The following MAP1B variants were observed in gnomAD, a reference collection of about 807,000 sequenced individuals.
MAP1B encodes the protein microtubule-associated protein 1B.
In MAP1B, 12 loss-of-function variants were observed where a neutral mutation model predicts 176.1. The observed-to-expected ratio is 0.07, with a 90% CI of 0.04 to 0.11. MAP1B has a LOEUF of 0.11. MAP1B is among the 10% of genes least tolerant of loss of function. The probability of loss-of-function intolerance (pLI) is 1.00; values close to 1 mark genes in which losing one functional copy is unlikely to be tolerated. For synonymous variants in MAP1B, 1,044 were observed against 1,135.0 expected (o/e 0.92, Z 1.61); for missense variants, 2,523 against 2,990.5 (o/e 0.84, Z 3.65).
chr5:72,130,263 G>A (rs1019498386), intron 2 of MAP1B, among the ~76,000 whole-genome samples: 2 of 151,694 alleles, frequency 1.3e-5, no homozygotes, highest in Admixed American at 1.3e-4. Context: ...TAATCTTTCC[G>A]AATTCTAACT....
At chr5:72,168,924 C>T (rs1308136066) in intron 2 of MAP1B, among the ~76,000 whole-genome samples, 2 of 152,102 alleles carry the variant, frequency 1.3e-5, no homozygotes, top group Admixed American at 6.5e-5. Context: ...GAACTTAATT[C>T]CTTTGGTTTA....
chr5:72,199,099 C>A lies in MAP1B; in HGVS notation c.5744C>A (p.Ser1915Tyr), dbSNP rs1022637122. ...GAGAAGATAGAGAGAACCACAAAATCTCCAAGTGACAGTGGCTACTCCTAT... is the reference window on the plus strand; with the variant it reads ...GAGAAGATAGAGAGAACCACAAAATATCCAAGTGACAGTGGCTACTCCTAT... ...YYEKIERTTK[S>Y]PSDSGYSYET... The change falls in exon 5 of 7, where the codon TCT (serine) becomes TAT (tyrosine). Residue 1915 changes from serine to tyrosine, a missense_variant. By Grantham distance (144) the Ser-to-Tyr change is moderately radical. This residue lies in a region of MAP1B where 1,925 missense variants were observed against 2,126.0 expected (regional missense o/e 0.91). Transcript: ENST00000296755. The surrounding 1 kb of genome is among the most constrained non-coding windows in gnomAD (Gnocchi z 4.2). 2.5e-6 allele frequency: 4 copies of A among 1,614,074 alleles called. No homozygotes were observed. The highest frequency in any genetic ancestry group is 3.4e-6 in the Non-Finnish European group (4 of 1,179,998).
intron 1 of MAP1B, among the ~76,000 whole-genome samples, chr5:72,115,358 A>G (rs1232160743): frequency 6.6e-6 from 1 of 152,228 alleles, no homozygotes; most frequent in Non-Finnish European, 1.5e-5. Flanking sequence ...TAGCTTCTTA[A>G]GAACTAACAT....
At position 72,193,038 on chromosome 5, in the gene MAP1B, GCTCA is replaced by G. The variant is rs201955251; in HGVS notation, c.511-825_511-822del. The stretch of plus-strand genomic sequence containing the variant: ...ATGGGAGCAGTAAGAGAACAGAGTG[GCTCA>G]CTGTGGAGTTAAACATGAGCAAATG... On this transcript the variant is annotated intron_variant, in intron 4 of 6. Transcript: ENST00000296755. Among the ~76,000 whole-genome samples the G allele has an allele frequency of 1.1e-3, 162 of 152,332 alleles. No individual in the cohort carries two copies. In the East Asian group the frequency reaches 0.026, roughly 24 times the overall value.
chr5:72,198,834 G>A lies in MAP1B; in HGVS notation c.5479G>A (p.Ala1827Thr), dbSNP rs775948320. 2.5e-6 allele frequency: 4 copies of A among 1,614,052 alleles called. No individual in the cohort carries two copies. Among genetic ancestry groups the A allele is most frequent in the South Asian group, 1.1e-5 (1 of 91,082 alleles). ...TTCTCCACCAATAGATGCAGCATCC[G>A]CAGAGCCCTATGGCTTCCGTGCCTC... ...SSSPPIDAASAEPYGFRASVL... is the reference protein window; with the variant it reads ...SSSPPIDAASTEPYGFRASVL... The change falls in exon 5 of 7, where the codon GCA becomes ACA. Residue 1827 changes from alanine (A) to threonine (T), a missense_variant. Transcript: ENST00000296755.
intron 2 of MAP1B, among the ~76,000 whole-genome samples, chr5:72,134,998 C>T (rs1026060588): frequency 6.6e-6 from 1 of 150,882 alleles, no homozygotes; most frequent in Non-Finnish European, 1.5e-5. Flanking sequence ...CCTGATGTTT[C>T]AGATGCTTTG....
chr5:72,120,417 GTTTC>G (rs1041366787), intron 2 of MAP1B, among the ~76,000 whole-genome samples: 9 of 148,218 alleles, frequency 6.1e-5, no homozygotes, highest in Non-Finnish European at 1.3e-4. Context: ...CCACCTCATA[GTTTC>G]TTTCTTTTTT....
intron 2 of MAP1B, among the ~76,000 whole-genome samples, chr5:72,120,342 T>G (rs1434454241): frequency 6.6e-6 from 1 of 152,164 alleles, no homozygotes; most frequent in African/African-American, 2.4e-5. Context: ...TTATTTGCTG[T>G]GTCATCTTGG....
chr5:72,136,726 A>C (rs574326585), intron 2 of MAP1B, among the ~76,000 whole-genome samples: 1 of 152,074 alleles, frequency 6.6e-6, no homozygotes, highest in African/African-American at 2.4e-5. Flanking sequence ...TGTGTCCTTG[A>C]GTTGTTTTGT....
At chr5:72,153,472 C>T (rs1461455858) in intron 2 of MAP1B, among the ~76,000 whole-genome samples, 1 of 151,746 alleles carries the variant, frequency 6.6e-6, no homozygotes, top group Non-Finnish European at 1.5e-5. Flanking sequence ...ACCCATCTTC[C>T]ATATAGTCTT....
chr5:72,187,303 G>T (rs1378791982), intron 4 of MAP1B, among the ~76,000 whole-genome samples: 1 of 152,194 alleles, frequency 6.6e-6, no homozygotes, highest in Admixed American at 6.5e-5. Context: ...ACTGAAGCTG[G>T]ATCATTCATA....
Position 72,198,461 on chromosome 5 carries a change from G to C in MAP1B, c.5106G>C (p.Lys1702Asn). 6.2e-7 allele frequency: 1 copy of C among 1,613,842 alleles called. No homozygotes were observed. Among genetic ancestry groups the C allele is most frequent in the South Asian group, 1.1e-5 (1 of 91,078 alleles). ...TGCAGGACTCCAGTTTATCACATAA[G>C]ATACCACCTATGGAGGAGCCGTCCT... The part of the protein sequence containing the change: ...SDMQDSSLSH[K>N]IPPMEEPSYT... Residue 1702 changes from lysine (K) to asparagine (N), a missense_variant, in exon 5 of 7, where the codon AAG (lysine) becomes AAC (asparagine). Lys to Asn is a moderately conservative substitution (Grantham distance 94). Around this residue, in one of 4 missense-constraint regions of MAP1B, gnomAD observed 1,925 missense variants for 2,126.0 expected, o/e 0.91. Coordinates refer to ENST00000296755, the MANE Select transcript of MAP1B (RefSeq NM_005909.5).
intron 2 of MAP1B, among the ~76,000 whole-genome samples, chr5:72,129,457 T>C (rs1341169470): frequency 6.6e-6 from 1 of 151,952 alleles, no homozygotes; most frequent in East Asian, 1.9e-4. Flanking sequence ...CTCGGGAGGC[T>C]GAGGCAGGAA....
chr5:72,177,478 G>A (rs1054772297), intron 2 of MAP1B, among the ~76,000 whole-genome samples: 3 of 152,100 alleles, frequency 2.0e-5, no homozygotes, highest in African/African-American at 4.8e-5. Flanking sequence ...GATTCCTTCC[G>A]GCCAGGCCTC....
At chr5:72,141,334 A>G (rs888902463) in intron 2 of MAP1B, among the ~76,000 whole-genome samples, 3 of 152,146 alleles carry the variant, frequency 2.0e-5, no homozygotes, top group East Asian at 3.8e-4. Context: ...AAGTGGTTGG[A>G]GCTTAATAGT....
In MAP1B at chr5:72,196,713, A is replaced by G; in HGVS notation, c.3358A>G (p.Thr1120Ala). 1 of 1,614,114 alleles carries G rather than the reference A, an allele frequency of 6.2e-7. No individual in the cohort carries two copies. Among genetic ancestry groups the G allele is most frequent in the Non-Finnish European group, 8.5e-7 (1 of 1,180,012 alleles). ...GGAATTCACTGCCACCTCTGGCTAC[A>G]CTCAGTCTACTATTGAGATATCCAG... is the stretch of plus-strand genomic sequence containing the variant. The part of the protein sequence containing the change: ...PEEFTATSGY[T>A]QSTIEISSEP... The change falls in exon 5 of 7, where the codon ACT becomes GCT. Residue 1120 changes from threonine to alanine, a missense_variant. By Grantham distance (58) the Thr-to-Ala change is moderately conservative. This residue lies in a region of MAP1B where 1,925 missense variants were observed against 2,126.0 expected (regional missense o/e 0.91). Coordinates refer to ENST00000296755, the MANE Select transcript of MAP1B (RefSeq NM_005909.5). This position sits in a 1 kb window ranked among gnomAD's most constrained non-coding sequence, Gnocchi z 5.3.
intron 2 of MAP1B, among the ~76,000 whole-genome samples, chr5:72,133,350 G>C (rs896314860): frequency 6.6e-6 from 1 of 152,210 alleles, no homozygotes; most frequent in Non-Finnish European, 1.5e-5. Context: ...GAGGTGAGGC[G>C]CTGGAGGCGG....
At position 72,197,570 on chromosome 5, in the gene MAP1B, A is replaced by G. The variant is rs1377806623; in HGVS notation, c.4215A>G (p.Gly1405=). Residue 1405 remains glycine (G), a synonymous_variant, in exon 5 of 7, where the codon GGA becomes GGG. Transcript: ENST00000296755. The part of the protein sequence containing the change: ...LSPLRSPPLI[G]SESAYESFLS... The stretch of plus-strand genomic sequence containing the variant: ...CTTTACGCAGCCCGCCCCTCATTGG[A>G]TCCGAGTCTGCTTATGAAAGTTTTC... 1 of 1,614,150 alleles carries G rather than the reference A, an allele frequency of 6.2e-7. No individual in the cohort carries two copies. Among genetic ancestry groups the G allele is most frequent in the South Asian group, 1.1e-5 (1 of 91,076 alleles).
intron 2 of MAP1B, among the ~76,000 whole-genome samples, chr5:72,173,855 G>A (rs984308686): frequency 6.6e-6 from 1 of 152,212 alleles, no homozygotes; most frequent in Non-Finnish European, 1.5e-5. Context: ...CCTGCTGGGC[G>A]TGGTGGCTCA....
Sources: allele counts gnomAD v4.1 joint callset (sites outside exome capture counted in the v4.1 genomes callset), GRCh38; gene constraint gnomAD v4.1.1; regional missense constraint gnomAD v4.1.1; non-coding constraint Gnocchi (gnomAD v3.1); transcripts MANE v1.5; gene names NCBI Gene and HGNC (gene_info 2026-07-23, HGNC 2026-07-21).